Variants in TRPC4AP observed in about 807,000 individuals in gnomAD.
TRPC4AP encodes the protein short transient receptor potential channel 4-associated protein.
TRPC4AP carries 45 observed loss-of-function variants against 99.0 expected under a neutral mutation model. The ratio of observed to expected loss-of-function variants is 0.45; its 90% CI spans 0.36 to 0.58. The LOEUF is 0.58. Ranked by LOEUF, TRPC4AP falls within the 20% of genes least tolerant of loss-of-function variation. The pLI is 0.00. For missense variants in TRPC4AP, 879 were observed against 985.3 expected (o/e 0.89, Z 1.44); for synonymous variants, 408 against 385.8 (o/e 1.06, Z -0.67).
chr20:35,007,921 C>T (rs1052700114), intron 13 of TRPC4AP, among the ~76,000 whole-genome samples: 1 of 152,140 alleles, frequency 6.6e-6, no homozygotes, highest in Non-Finnish European at 1.5e-5. Context: ...CCTGCGAGCC[C>T]CCGTGAAACA....
At chr20:35,073,192 T>C (rs1600645841) in intron 2 of TRPC4AP, among the ~76,000 whole-genome samples, 1 of 152,214 alleles carries the variant, frequency 6.6e-6, no homozygotes, top group Non-Finnish European at 1.5e-5. Flanking sequence ...CAATGGGGTT[T>C]TCTAAATATA....
At chr20:35,088,677 T>C (rs2084954533) in intron 1 of TRPC4AP, among the ~76,000 whole-genome samples, 1 of 152,224 alleles carries the variant, frequency 6.6e-6, no homozygotes, top group African/African-American at 2.4e-5. Flanking sequence ...AAACTGAAGT[T>C]AAGAGAGGTT....
At position 35,003,049 on chromosome 20, in the gene TRPC4AP, AGAGCAGCAGG is replaced by A; in HGVS notation, c.*87_*96del. On this transcript the variant is annotated 3_prime_UTR_variant, in exon 19 of 19. Transcript: ENST00000252015. ...GTACCCAAAGACCTGGGGCAGGCAGAGAGCAGCAGGGAGGAACGGGAACAGGGCAGGGCGT... is the reference window on the plus strand; with the variant it reads ...GTACCCAAAGACCTGGGGCAGGCAGAGAGGAACGGGAACAGGGCAGGGCGT... 1 of 1,524,146 alleles carries A rather than the reference AGAGCAGCAGG, an allele frequency of 6.6e-7. No individual in the cohort carries two copies. The highest frequency in any genetic ancestry group is 1.4e-5 in the African/African-American group (1 of 73,168). 94.4% of individuals were successfully genotyped at this position (1,524,146 alleles called of 1,614,324 possible).
intron 5 of TRPC4AP, among the ~76,000 whole-genome samples, chr20:35,052,537 C>T (rs1569124633): frequency 6.6e-6 from 1 of 152,048 alleles, no homozygotes. Flanking sequence ...ACTCTGTCAC[C>T]CACGCTGGAG....
intron 8 of TRPC4AP, among the ~76,000 whole-genome samples, chr20:35,028,725 T>C (rs6087660): frequency 0.59 from 89,806 of 151,896 alleles, 27,443 homozygotes; most frequent in Middle Eastern, 0.74. Flanking sequence ...TGTTTCCCTG[T>C]TGATCTTCTG....
chr20:35,069,527 T>C, intron 2 of TRPC4AP, 115 bp from the exon 3 acceptor site: 1 of 682,222 alleles, frequency 1.5e-6, no homozygotes, highest in South Asian at 1.9e-5. Flanking sequence ...ACAAAGACAG[T>C]CCCCAATGAA....
chr20:35,054,267 T>G (rs976534556), intron 5 of TRPC4AP, among the ~76,000 whole-genome samples: 2 of 152,106 alleles, frequency 1.3e-5, no homozygotes, highest in Non-Finnish European at 2.9e-5. Flanking sequence ...TGTATTATGA[T>G]TCACAGTTTA....
At chr20:35,014,520 C>T (rs1013663331) in intron 10 of TRPC4AP, among the ~76,000 whole-genome samples, 1 of 151,748 alleles carries the variant, frequency 6.6e-6, no homozygotes, top group Admixed American at 6.6e-5. Flanking sequence ...CATGAGCAAT[C>T]GAAAGAGACC....
chr20:35,064,673 A>C (rs2084096066), intron 3 of TRPC4AP, among the ~76,000 whole-genome samples: 1 of 152,228 alleles, frequency 6.6e-6, no homozygotes, highest in African/African-American at 2.4e-5. Context: ...TGAGGCAACA[A>C]TGAAAACTGC....
At chr20:35,064,927 G>GTA (rs2084105178) in intron 3 of TRPC4AP, among the ~76,000 whole-genome samples, 1 of 152,128 alleles carries the variant, frequency 6.6e-6, no homozygotes, top group Non-Finnish European at 1.5e-5. Context: ...AACGGTCTTG[G>GTA]TATACACAAG....
At chr20:35,086,341 T>C (rs2084845953) in intron 1 of TRPC4AP, among the ~76,000 whole-genome samples, 1 of 151,992 alleles carries the variant, frequency 6.6e-6, no homozygotes, top group Non-Finnish European at 1.5e-5. Flanking sequence ...TGAATACTTT[T>C]GTGTCCTTTA....
At chr20:35,077,055 C>T (rs1429526147) in intron 2 of TRPC4AP, among the ~76,000 whole-genome samples, 2 of 152,222 alleles carry the variant, frequency 1.3e-5, no homozygotes, top group African/African-American at 2.4e-5. Flanking sequence ...GCATGGGACC[C>T]TCCAAGCCAG....
intron 12 of TRPC4AP, among the ~76,000 whole-genome samples, chr20:35,009,412 T>C (rs575780824): frequency 1.2e-4 from 19 of 152,206 alleles, no homozygotes; most frequent in African/African-American, 4.1e-4. Flanking sequence ...CCCTGGACTT[T>C]GGGAGGCTCA....
intron 7 of TRPC4AP, 84 bp downstream of exon 7, chr20:35,044,421 G>GAA (rs1212170668): frequency 2.6e-6 from 3 of 1,133,596 alleles, no homozygotes; most frequent in Non-Finnish European, 3.6e-6. Context: ...AAAAAGAAAA[G>GAA]AAAAGAAAAA....
At chr20:35,004,716 G>C (rs763532397) in intron 16 of TRPC4AP, 146 bp from the exon 17 acceptor site, 2 of 665,434 alleles carry the variant, frequency 3.0e-6, no homozygotes, top group African/African-American at 1.8e-5. Context: ...GACTGTGGCA[G>C]AAAGAAGGAC....
At chr20:35,081,101 A>T (rs2084633625) in intron 1 of TRPC4AP, among the ~76,000 whole-genome samples, 1 of 152,206 alleles carries the variant, frequency 6.6e-6, no homozygotes, top group African/African-American at 2.4e-5. Flanking sequence ...AAGAAGAAAG[A>T]AGAGAAAAGG....
intron 10 of TRPC4AP, among the ~76,000 whole-genome samples, chr20:35,014,802 T>TA (rs1032182064): frequency 6.6e-6 from 1 of 152,158 alleles, no homozygotes; most frequent in Non-Finnish European, 1.5e-5. Context: ...CTCATGCTGG[T>TA]AGGCAGGGTG....
rs1435475343 is a variant in TRPC4AP at position 35,004,544 on chromosome 20, G to A, written c.1963C>T (p.Leu655=). The A allele has an allele frequency of 6.2e-7, 1 of 1,613,958 alleles. No homozygotes were observed. The highest frequency in any genetic ancestry group is 1.3e-5 in the African/African-American group (1 of 74,946). ...GGCACCTGGGATATGTAGGCGAGCA[G>A]GCGGCATTCAGACAGTACCTCGGCA... The part of the protein sequence containing the change: ...KVAEVLSECR[L]LAYISQVPTQ... The change falls in exon 17 of 19, where the codon CTG becomes TTG. Residue 655 remains leucine (L), a synonymous_variant. Coordinates refer to ENST00000252015, the MANE Select transcript of TRPC4AP (RefSeq NM_015638.3).
chr20:35,056,000 T>C (rs978219227), intron 4 of TRPC4AP, among the ~76,000 whole-genome samples: 1 of 152,212 alleles, frequency 6.6e-6, no homozygotes, highest in Non-Finnish European at 1.5e-5. Flanking sequence ...TTTTTTAAAA[T>C]TGTTTCCATT....
Sources: allele counts gnomAD v4.1 joint callset (sites outside exome capture counted in the v4.1 genomes callset), GRCh38; gene constraint gnomAD v4.1.1; transcripts MANE v1.5; gene names NCBI Gene and HGNC (gene_info 2026-07-23, HGNC 2026-07-21).